Variants in SCN4B observed in about 807,000 individuals in gnomAD.
SCN4B encodes the protein sodium voltage-gated channel beta subunit 4.
A neutral mutation model predicts 19.6 loss-of-function variants in SCN4B; 20 were observed. The ratio of observed to expected loss-of-function variants is 1.02; its 90% CI spans 0.72 to 1.48. The LOEUF is 1.48. Among genes scored for constraint, SCN4B ranks in the 40% most tolerant of loss-of-function variants. The pLI is 0.00. For synonymous variants in SCN4B, 127 were observed against 122.8 expected, an observed-to-expected ratio of 1.03 and a Z score of -0.22; for missense variants, 271 against 287.5, an observed-to-expected ratio of 0.94 and a Z score of 0.42.
chr11:118,144,923 C>T, intron 2 of SCN4B, 134 bp downstream of exon 2: 2 of 863,726 alleles, frequency 2.3e-6, no homozygotes, highest in Non-Finnish European at 4.0e-6. Flanking sequence ...GAAAAGAATA[C>T]TGGGAGAAAG....
chr11:118,139,887 C>T (rs1284371876), intron 4 of SCN4B, among the ~76,000 whole-genome samples: 1 of 119,758 alleles, frequency 8.4e-6, no homozygotes, highest in Non-Finnish European at 1.6e-5. Context: ...ATCTAGCATT[C>T]CTTTTTTTTT....
At chr11:118,137,730 T>C (rs1301432148) in intron 4 of SCN4B, among the ~76,000 whole-genome samples, 1 of 152,126 alleles carries the variant, frequency 6.6e-6, no homozygotes. Flanking sequence ...TGTCTCAACA[T>C]GGCAGGAAGC....
chr11:118,151,051 C>G (rs769277972), intron 1 of SCN4B, among the ~76,000 whole-genome samples: 1 of 152,098 alleles, frequency 6.6e-6, no homozygotes, highest in Non-Finnish European at 1.5e-5. Context: ...GCTGAACAGT[C>G]CTTGGAGAAG....
At chr11:118,137,882 C>T (rs562011003) in intron 4 of SCN4B, among the ~76,000 whole-genome samples, 2 of 152,132 alleles carry the variant, frequency 1.3e-5, no homozygotes, top group South Asian at 4.2e-4. Context: ...CTGAGCTCTC[C>T]GTGACTAGAG....
At chr11:118,145,918 C>G (rs1353490120) in intron 1 of SCN4B, among the ~76,000 whole-genome samples, 1 of 152,188 alleles carries the variant, frequency 6.6e-6, no homozygotes, top group Non-Finnish European at 1.5e-5. Flanking sequence ...AGGAAGACGG[C>G]CTGGCAGGGG....
At position 118,135,231 on chromosome 11, in the gene SCN4B, C is replaced by T. The variant is rs1249297976; in HGVS notation, c.*1796G>A. 2.2e-6 allele frequency: 1 copy of T among 453,644 alleles called. No individual in the cohort carries two copies. Among genetic ancestry groups the T allele is most frequent in the African/African-American group, 2.0e-5 (1 of 49,972 alleles). 28.1% of individuals were successfully genotyped at this position (453,644 alleles called of 1,614,324 possible). A position where few individuals can be genotyped will look rare whatever the true frequency, so the allele number is the denominator to read the frequency against. Reference sequence around the variant, plus strand: ...GCGCACAGGCAGATCAGACGGGGAACTGGTGAGCCCAGCAGGTTGGCTAAG... The same window carrying T: ...GCGCACAGGCAGATCAGACGGGGAATTGGTGAGCCCAGCAGGTTGGCTAAG... On this transcript the variant is annotated 3_prime_UTR_variant, in exon 5 of 5. Transcript: ENST00000324727.
At chr11:118,150,736 G>T (rs1467185210) in intron 1 of SCN4B, among the ~76,000 whole-genome samples, 1 of 152,154 alleles carries the variant, frequency 6.6e-6, no homozygotes, top group South Asian at 2.1e-4. Context: ...CCTCCAGTTG[G>T]CTGTCCAGTC....
At chr11:118,147,341 C>T (rs1056204085) in intron 1 of SCN4B, among the ~76,000 whole-genome samples, 2 of 152,186 alleles carry the variant, frequency 1.3e-5, no homozygotes, top group Admixed American at 6.5e-5. Flanking sequence ...TACACTGTCT[C>T]ATTTAACCCT....
rs1367050753 is a variant in SCN4B at position 118,135,455 on chromosome 11, G to A, written c.*1572C>T. On this transcript the variant is annotated 3_prime_UTR_variant, in exon 5 of 5. Coordinates refer to ENST00000324727, the MANE Select transcript of SCN4B (RefSeq NM_174934.4). ...ACAGGGCATCAAAAAATCAGTAAGGGAGAGAGGGATTGGAAGTAGATGGGC... is the reference window on the plus strand; with the variant it reads ...ACAGGGCATCAAAAAATCAGTAAGGAAGAGAGGGATTGGAAGTAGATGGGC... 8.8e-6 allele frequency: 4 copies of A among 454,110 alleles called. No individual in the cohort carries two copies. Among genetic ancestry groups the A allele is most frequent in the Non-Finnish European group, 1.8e-5 (4 of 226,788 alleles). The allele number at this position is 454,110 out of a possible 1,614,324, so 28.1% of individuals were successfully genotyped here.
chr11:118,145,521 G>T, intron 1 of SCN4B: 1 of 1,272,710 alleles, frequency 7.9e-7, no homozygotes, highest in Non-Finnish European at 1.0e-6. Context: ...CCTGGCCACT[G>T]CCGCGAACCG....
intron 1 of SCN4B, among the ~76,000 whole-genome samples, chr11:118,152,062 A>G (rs1948238110): frequency 6.6e-6 from 1 of 152,172 alleles, no homozygotes; most frequent in Non-Finnish European, 1.5e-5. Context: ...TCCAGCTTTC[A>G]GGTGCTGCTG....
intron 1 of SCN4B, 69 bp from the exon 2 acceptor site, chr11:118,145,298 G>GCA: frequency 6.2e-7 from 1 of 1,606,454 alleles, no homozygotes; most frequent in Non-Finnish European, 8.5e-7. Context: ...GGATGCTTAG[G>GCA]CAGGGCGGAG....
Position 118,152,697 on chromosome 11 carries a change from CG to C in SCN4B, c.-25del, listed in dbSNP as rs997983511. The C allele has an allele frequency of 1.3e-6, 2 of 1,569,454 alleles. No homozygotes were observed. Among genetic ancestry groups the C allele is most frequent in the African/African-American group, 1.4e-5 (1 of 74,012 alleles). ...ATAGTCCTGTTCTCTCCGGAGCGCGCGGGGGTCGCGGGGATGGGATACTGGG... is the reference window on the plus strand; with the variant it reads ...ATAGTCCTGTTCTCTCCGGAGCGCGCGGGGTCGCGGGGATGGGATACTGGG... On this transcript the variant is annotated 5_prime_UTR_variant, in exon 1 of 5. Transcript: ENST00000324727.
At chr11:118,146,672 A>G (rs1290791988) in intron 1 of SCN4B, among the ~76,000 whole-genome samples, 3 of 152,124 alleles carry the variant, frequency 2.0e-5, no homozygotes, top group Admixed American at 6.5e-5. Context: ...CAGCCCTAAA[A>G]TCACACCCCG....
chr11:118,149,845 A>G (rs1040715004), intron 1 of SCN4B, among the ~76,000 whole-genome samples: 1 of 152,086 alleles, frequency 6.6e-6, no homozygotes, highest in Non-Finnish European at 1.5e-5. Context: ...CAGTCATAAG[A>G]GCTTTGGAAC....
intron 2 of SCN4B, among the ~76,000 whole-genome samples, chr11:118,144,678 C>A (rs1475276377): frequency 6.6e-6 from 1 of 152,162 alleles, no homozygotes; most frequent in Non-Finnish European, 1.5e-5. Flanking sequence ...CCTGCCAGTC[C>A]AGCTTCTCAG....
intron 1 of SCN4B, chr11:118,145,744 G>A (rs1948165754): frequency 3.8e-6 from 1 of 264,148 alleles, no homozygotes; most frequent in Non-Finnish European, 7.6e-6. Flanking sequence ...AAACGCGGCC[G>A]CCGCAGTCCC....
At position 118,134,994 on chromosome 11, in the gene SCN4B, G is replaced by C. The variant is rs1190856564; in HGVS notation, c.*2033C>G. On this transcript the variant is annotated 3_prime_UTR_variant, in exon 5 of 5. Transcript: ENST00000324727. ...GGTGCCCTTCTTCTCCCTACTCTAC[G>C]TGCCTTGGCTTTCTCTTAAGACAGA... The C allele has an allele frequency of 4.4e-6, 2 of 454,024 alleles. No homozygotes were observed. Among genetic ancestry groups the C allele is most frequent in the Non-Finnish European group, 8.8e-6 (2 of 226,768 alleles). The allele number at this position is 454,024 out of a possible 1,614,324, so 28.1% of individuals were successfully genotyped here.
intron 1 of SCN4B, among the ~76,000 whole-genome samples, chr11:118,151,024 C>T (rs1209861463): frequency 6.6e-6 from 1 of 152,138 alleles, no homozygotes; most frequent in African/African-American, 2.4e-5. Context: ...GGCCTTAGCC[C>T]CTACCTGGTC....
Sources: gnomAD v4.1 joint callset for allele counts (sites outside exome capture counted in the v4.1 genomes callset) on GRCh38, gnomAD v4.1.1 for gene constraint, MANE v1.5 for transcripts, NCBI Gene and HGNC (gene_info 2026-07-23, HGNC 2026-07-21) for gene names.